RYR2: variants seen among roughly 807,000 people sequenced by gnomAD.
RYR2 encodes cardiac muscle ryanodine receptor-calcium release channel.
RYR2 carries 227 observed loss-of-function variants against 601.1 expected under a neutral mutation model. The observed-to-expected ratio is 0.38, with a 90% CI of 0.34 to 0.42. The LOEUF (loss-of-function observed/expected upper bound fraction) is 0.42, where lower values mean the gene tolerates loss of function less well. RYR2 is among the 10% of genes least tolerant of loss of function. RYR2 has a pLI of 1.00. For missense variants in RYR2, 4,646 were observed against 6,156.5 expected, an observed-to-expected ratio of 0.75 and a Z score of 8.21; for synonymous variants, 2,223 against 2,175.1, an observed-to-expected ratio of 1.02 and a Z score of -0.61.
chr1:237,598,828 A>G (rs1325912639), intron 34 of RYR2, among the ~76,000 whole-genome samples: 1 of 152,204 alleles, frequency 6.6e-6, no homozygotes, highest in Non-Finnish European at 1.5e-5. Flanking sequence ...AACAGAGACT[A>G]AACAATACAA....
intron 10 of RYR2, among the ~76,000 whole-genome samples, chr1:237,414,985 A>G (rs1017774148): frequency 1.8e-4 from 14 of 75,836 alleles, no homozygotes; most frequent in Middle Eastern, 5.1e-3. Flanking sequence ...ACATCTGACA[A>G]TGTTGGAGAA....
intron 10 of RYR2, among the ~76,000 whole-genome samples, chr1:237,409,246 T>C (rs1704201567): frequency 1.3e-5 from 2 of 152,148 alleles, no homozygotes; most frequent in African/African-American, 2.4e-5. Flanking sequence ...GGTCCTGATA[T>C]AGAAGCAACA....
At chr1:237,748,378 T>A (rs1170566126) in intron 80 of RYR2, among the ~76,000 whole-genome samples, 2 of 152,142 alleles carry the variant, frequency 1.3e-5, no homozygotes, top group Non-Finnish European at 2.9e-5. Context: ...GAGTGTTAAT[T>A]TCATCATACT....
intron 2 of RYR2, among the ~76,000 whole-genome samples, chr1:237,275,622 A>G (rs1690199301): frequency 2.0e-5 from 3 of 152,182 alleles, no homozygotes; most frequent in South Asian, 4.1e-4. Flanking sequence ...AAACATACCA[A>G]TAATAAGAGA....
At chr1:237,226,978 A>G (rs1282933370) in intron 1 of RYR2, among the ~76,000 whole-genome samples, 1 of 152,152 alleles carries the variant, frequency 6.6e-6, no homozygotes, top group African/African-American at 2.4e-5. Flanking sequence ...CATGTTGGCC[A>G]GGCTGGTCTC....
chr1:237,085,860 C>T (rs1166441380), intron 1 of RYR2, among the ~76,000 whole-genome samples: 6 of 152,184 alleles, frequency 3.9e-5, no homozygotes, highest in Non-Finnish European at 2.9e-5. Context: ...CTCAAGTGAT[C>T]CTCCCACTTC....
intron 58 of RYR2, among the ~76,000 whole-genome samples, chr1:237,673,358 A>G (rs978084914): frequency 2.7e-4 from 41 of 152,204 alleles, no homozygotes; most frequent in Non-Finnish European, 5.3e-4. Context: ...AAATTTTTAC[A>G]TAATTTATAA....
chr1:237,380,392 A>G (rs1338158505), intron 8 of RYR2, among the ~76,000 whole-genome samples: 2 of 35,150 alleles, frequency 5.7e-5, no homozygotes, highest in East Asian at 1.5e-3. Context: ...ATATATATAT[A>G]TATATATATA....
intron 17 of RYR2, among the ~76,000 whole-genome samples, chr1:237,486,175 C>T (rs994600028): frequency 3.3e-5 from 5 of 152,212 alleles, no homozygotes; most frequent in East Asian, 3.9e-4. Context: ...TACATATATA[C>T]GTACAAAGAA....
At chr1:237,382,914 G>GTT (rs10676878) in intron 8 of RYR2, among the ~76,000 whole-genome samples, 27,974 of 138,998 alleles carry the variant, frequency 0.2, 3,095 homozygotes, top group East Asian at 0.38. Flanking sequence ...ATTTGTTTTT[G>GTT]TTTTTTTTTT....
intron 17 of RYR2, among the ~76,000 whole-genome samples, chr1:237,488,403 G>A (rs910845659): frequency 1.8e-4 from 28 of 152,152 alleles, no homozygotes; most frequent in Non-Finnish European, 3.8e-4. Flanking sequence ...TCCTCACATG[G>A]TGGAAGGGAC....
At position 237,634,926 on chromosome 1, in the gene RYR2, G is replaced by A. The variant is rs767246962; in HGVS notation, c.6726G>A (p.Val2242=). ...TGAGAGGTTCAACACCACTGGATGT[G>A]GCTGCAGCTTCGGTGATGGATAATA... is the stretch of plus-strand genomic sequence containing the variant. ...PAMRGSTPLD[V]AAASVMDNNE... is the part of the protein sequence containing the mutation. Residue 2242 remains valine (V), a synonymous_variant, in exon 44 of 105, where the codon GTG becomes GTA. Coordinates refer to ENST00000366574, the MANE Select transcript of RYR2 (RefSeq NM_001035.3). 7.0e-5 allele frequency: 112 copies of A among 1,609,428 alleles called. No homozygotes were observed. Among genetic ancestry groups the A allele is most frequent in the Non-Finnish European group, 9.3e-5 (109 of 1,177,952 alleles).
chr1:237,312,311 G>T (rs79284241), intron 2 of RYR2, among the ~76,000 whole-genome samples: 233 of 152,348 alleles, frequency 1.5e-3, no homozygotes, highest in African/African-American at 5.5e-3. Context: ...TGTTGCCGCA[G>T]AGATGTTAGA....
intron 1 of RYR2, among the ~76,000 whole-genome samples, chr1:237,167,209 C>A (rs1676803604): frequency 1.3e-5 from 2 of 152,028 alleles, no homozygotes; most frequent in Non-Finnish European, 2.9e-5. Flanking sequence ...TTGGAGATTT[C>A]CAGGGGTTGA....
At chr1:237,255,069 G>A (rs1466619726) in intron 1 of RYR2, among the ~76,000 whole-genome samples, 1 of 152,200 alleles carries the variant, frequency 6.6e-6, no homozygotes, top group African/African-American at 2.4e-5. Context: ...TTATGATGAA[G>A]TTTAACCAGA....
intron 80 of RYR2, among the ~76,000 whole-genome samples, chr1:237,742,570 C>T (rs1031759156): frequency 6.6e-6 from 1 of 152,272 alleles, no homozygotes. Context: ...CACATATGTT[C>T]AGAATGAGTG....
intron 63 of RYR2, among the ~76,000 whole-genome samples, chr1:237,696,795 A>T (rs1005586245): frequency 6.6e-6 from 1 of 152,040 alleles, no homozygotes; most frequent in South Asian, 2.1e-4. Context: ...CATTCAATCC[A>T]TAAGTAAATC....
intron 3 of RYR2, among the ~76,000 whole-genome samples, chr1:237,348,010 G>A (rs894921524): frequency 6.6e-6 from 1 of 152,118 alleles, no homozygotes; most frequent in Non-Finnish European, 1.5e-5. Context: ...AGAGATTAAG[G>A]CAGAGGAGCC....
chr1:237,371,983 A>C, intron 6 of RYR2, among the ~76,000 whole-genome samples: 1 of 152,166 alleles, frequency 6.6e-6, no homozygotes, highest in Non-Finnish European at 1.5e-5. Flanking sequence ...CCAACATGGC[A>C]CATGGCACAT....
Sources: allele counts gnomAD v4.1 joint callset (sites outside exome capture counted in the v4.1 genomes callset), GRCh38; gene constraint gnomAD v4.1.1; transcripts MANE v1.5; gene names NCBI Gene and HGNC (gene_info 2026-07-23, HGNC 2026-07-21).